ZC3H12B: variants seen among roughly 807,000 people sequenced by gnomAD.
The protein encoded by ZC3H12B is probable ribonuclease ZC3H12B.
Under a neutral mutation model 43.9 loss-of-function variants are expected in ZC3H12B, and 7 were observed. That is an observed-to-expected ratio of 0.16 (90% CI 0.09 to 0.30). The LOEUF (loss-of-function observed/expected upper bound fraction) is 0.30, where lower values mean the gene tolerates loss of function less well. Among genes scored for constraint, ZC3H12B ranks in the 10% least tolerant of loss-of-function variants. ZC3H12B has a pLI of 1.00. For synonymous variants in ZC3H12B, 222 were observed against 241.7 expected, an observed-to-expected ratio of 0.92 and a Z score of 0.76; for missense variants, 475 against 670.2, an observed-to-expected ratio of 0.71 and a Z score of 3.22.
At chrX:65,282,067 AAAAG>A in the ZC3H12B span, among the ~76,000 whole-genome samples, 1 of 112,134 alleles carries the variant, frequency 8.9e-6, no homozygotes. Context: ...TTATGATAAA[AAAAG>A]AAAAACTGTT....
At chrX:65,230,397 A>G in the ZC3H12B span, among the ~76,000 whole-genome samples, 2 of 108,468 alleles carry the variant, frequency 1.8e-5, no homozygotes, top group East Asian at 2.9e-4. Context: ...GATGGGGGGA[A>G]GGGGGAGGGA....
At chrX:65,251,031 G>T in the ZC3H12B span, among the ~76,000 whole-genome samples, 224 of 111,958 alleles carry the variant, frequency 2.0e-3, 1 homozygote, top group African/African-American at 6.9e-3. Flanking sequence ...GTCCTGAATG[G>T]TATTGCCTAG....
At chrX:65,169,160 C>G in the ZC3H12B span, among the ~76,000 whole-genome samples, 1 of 111,384 alleles carries the variant, frequency 9.0e-6, no homozygotes, top group Non-Finnish European at 1.9e-5. Context: ...TGCTTTCTCT[C>G]GTGGTCATTT....
chrX:65,461,539 C>A (rs965506712), intron 3 of ZC3H12B, among the ~76,000 whole-genome samples: 2 of 111,971 alleles, frequency 1.8e-5, no homozygotes, highest in African/African-American at 6.5e-5. Flanking sequence ...AGGATGAGTT[C>A]TTGTCCTTTG....
intron 3 of ZC3H12B, among the ~76,000 whole-genome samples, chrX:65,478,074 T>A (rs1278175618): frequency 8.9e-6 from 1 of 111,918 alleles, no homozygotes; most frequent in Non-Finnish European, 1.9e-5. Context: ...AAATTCTCTA[T>A]GTGATAAGAC....
the ZC3H12B span, among the ~76,000 whole-genome samples, chrX:65,160,883 C>T: frequency 2.4e-4 from 27 of 111,082 alleles, no homozygotes; most frequent in Admixed American, 7.7e-4. Context: ...TTCCTGCTTT[C>T]TCTTGTGGGC....
At chrX:65,436,843 C>T (rs1416022520) in intron 3 of ZC3H12B, among the ~76,000 whole-genome samples, 1 of 111,298 alleles carries the variant, frequency 9.0e-6, no homozygotes, top group Non-Finnish European at 1.9e-5. Flanking sequence ...TACGAACATT[C>T]CAATTATACT....
chrX:65,224,842 A>C, the ZC3H12B span, among the ~76,000 whole-genome samples: 3 of 112,155 alleles, frequency 2.7e-5, no homozygotes, highest in Non-Finnish European at 5.6e-5. Flanking sequence ...GCCATTGCCA[A>C]GGCTTGCTTA....
intron 3 of ZC3H12B, among the ~76,000 whole-genome samples, chrX:65,409,752 G>C (rs2066880738): frequency 1.8e-5 from 2 of 110,651 alleles, no homozygotes; most frequent in African/African-American, 6.6e-5. Context: ...TCAATACCTA[G>C]GAATTAAAGA....
the ZC3H12B span, chrX:65,186,558 T>G: frequency 1.8e-5 from 2 of 109,074 alleles, no homozygotes; most frequent in East Asian, 5.7e-4. Flanking sequence ...TTCAATACGT[T>G]TTTGTGGAAC....
the ZC3H12B span, among the ~76,000 whole-genome samples, chrX:65,313,149 G>A: frequency 7.6e-3 from 847 of 111,747 alleles, 6 homozygotes; most frequent in Non-Finnish European, 0.012. Context: ...CCCAAAGGGC[G>A]GGATTACAGG....
At chrX:65,459,128 C>T (rs375235740) in intron 3 of ZC3H12B, among the ~76,000 whole-genome samples, 118 of 111,802 alleles carry the variant, frequency 1.1e-3, no homozygotes, top group South Asian at 3.7e-4. Context: ...ATAAATTCCT[C>T]GACACATACA....
the ZC3H12B span, among the ~76,000 whole-genome samples, chrX:65,251,243 G>A: frequency 9.0e-5 from 10 of 111,611 alleles, no homozygotes; most frequent in Non-Finnish European, 1.7e-4. Flanking sequence ...AGATCAGATG[G>A]TTGTAGATGT....
the ZC3H12B span, among the ~76,000 whole-genome samples, chrX:65,356,426 T>A: frequency 1.8e-5 from 2 of 111,753 alleles, no homozygotes; most frequent in South Asian, 3.7e-4. Flanking sequence ...TATATACATA[T>A]AAAAATGCAG....
chrX:65,253,966 G>A, the ZC3H12B span, among the ~76,000 whole-genome samples: 223 of 111,672 alleles, frequency 2.0e-3, 1 homozygote, highest in African/African-American at 6.9e-3. Flanking sequence ...CCACCATGCC[G>A]CTGCTGCTAG....
the ZC3H12B span, chrX:65,186,680 A>T: frequency 9.1e-6 from 1 of 110,233 alleles, no homozygotes; most frequent in Non-Finnish European, 1.9e-5. Flanking sequence ...TTTACCCCTC[A>T]CCACCCTCTA....
At chrX:65,311,080 G>A in the ZC3H12B span, among the ~76,000 whole-genome samples, 1 of 111,897 alleles carries the variant, frequency 8.9e-6, no homozygotes, top group Non-Finnish European at 1.9e-5. Context: ...CAGGACATAG[G>A]CATGGGCAAG....
intron 2 of ZC3H12B, among the ~76,000 whole-genome samples, chrX:65,381,101 A>T (rs754752786): frequency 9.0e-6 from 1 of 111,499 alleles, no homozygotes; most frequent in South Asian, 3.8e-4. Context: ...CACCAAGCGG[A>T]CCTAATAGAC....
chrX:65,376,332 G>A (rs1035889291), intron 2 of ZC3H12B, among the ~76,000 whole-genome samples: 2 of 112,020 alleles, frequency 1.8e-5, no homozygotes, highest in Non-Finnish European at 3.8e-5. Flanking sequence ...GGACTGCCCT[G>A]GTACTGGAGA....
Sources: allele counts gnomAD v4.1 joint callset (sites outside exome capture counted in the v4.1 genomes callset), GRCh38; gene constraint gnomAD v4.1.1; transcripts MANE v1.5; gene names NCBI Gene and HGNC (gene_info 2026-07-23, HGNC 2026-07-21).